The following RABL2A variants were observed in gnomAD, a reference collection of about 807,000 sequenced individuals.
The protein encoded by RABL2A is rab-like protein 2A.
In RABL2A, 17 loss-of-function variants were observed where a neutral mutation model predicts 30.7. The observed-to-expected ratio is 0.55, with a 90% CI of 0.38 to 0.83. RABL2A has a LOEUF of 0.83. RABL2A is among the 40% of genes least tolerant of loss of function. RABL2A has a pLI of 0.00. For synonymous variants in RABL2A, 64 were observed against 101.8 expected (o/e 0.63, Z 2.24); for missense variants, 155 against 272.6 (o/e 0.57, Z 3.04).
At chr2:113,631,457 A>T (rs1304197303) in intron 2 of RABL2A, among the ~76,000 whole-genome samples, 3 of 152,142 alleles carry the variant, frequency 2.0e-5, no homozygotes, top group Non-Finnish European at 1.5e-5. Flanking sequence ...CCAAGCTCTC[A>T]TTATCCTGAG....
rs762784349 is a variant in RABL2A, at chr2:113,630,633, C to CT, written c.107+1933dup. 5.4e-3 allele frequency among the ~76,000 whole-genome samples: 771 copies of CT among 141,646 alleles called. 1 individual carries two copies. Among genetic ancestry groups the CT allele is most frequent in the African/African-American group, 0.014 (540 of 38,544 alleles). The allele number at this position is 141,646 out of a possible 152,430, so 92.9% of individuals were successfully genotyped here. A position where few individuals can be genotyped will look rare whatever the true frequency, so the allele number is the denominator to read the frequency against. The stretch of plus-strand genomic sequence containing the variant: ...AGTCACCAGGCTTTCTTTAAGGTGC[C>CT]TTTTTTTTTTTTTCTCATGCAGCAT... On this transcript the variant is annotated intron_variant, in intron 2 of 8. Coordinates refer to ENST00000683472, the MANE Select transcript of RABL2A (RefSeq NM_001306158.2).
At chr2:113,640,056 G>T (rs2104817198) in intron 5 of RABL2A, 1 of 151,940 alleles carries the variant, frequency 6.6e-6, no homozygotes, top group South Asian at 2.1e-4. Context: ...TGAGGTAGGA[G>T]GATTCCTTGA....
intron 3 of RABL2A, chr2:113,633,734 C>T (rs1681350944): frequency 4.3e-6 from 1 of 231,806 alleles, no homozygotes; most frequent in South Asian, 6.4e-5. Context: ...AGCTTGTCAA[C>T]TGTATGGCTT....
chr2:113,628,273 C>T (rs1468086251), intron 1 of RABL2A: 2 of 302,870 alleles, frequency 6.6e-6, no homozygotes, highest in Non-Finnish European at 1.2e-5. Context: ...CAGAGCTAGA[C>T]ATAATGTTGC....
At chr2:113,632,764 C>T in intron 2 of RABL2A, 151 bp from the exon 3 acceptor site, 1 of 1,124,916 alleles carries the variant, frequency 8.9e-7, no homozygotes, top group Admixed American at 2.0e-5. Flanking sequence ...TACCCAATTT[C>T]CAGACTTGAC....
At chr2:113,633,864 C>T (rs1681412145) in intron 3 of RABL2A, 4 of 450,858 alleles carry the variant, frequency 8.9e-6, no homozygotes, top group Non-Finnish European at 1.6e-5. Flanking sequence ...TTTCCAACTG[C>T]ATGATGCCTT....
chr2:113,638,286 T>C (rs1574078266), intron 5 of RABL2A: 3 of 985,384 alleles, frequency 3.0e-6, no homozygotes, highest in Non-Finnish European at 3.6e-6. Flanking sequence ...TTGCTGACCC[T>C]CCCGCCACCA....
chr2:113,640,769 T>C (rs1684828384), intron 5 of RABL2A, 125 bp from the exon 6 acceptor site: 4 of 1,535,450 alleles, frequency 2.6e-6, no homozygotes, highest in Admixed American at 2.0e-5. Context: ...AGGCTGCAAT[T>C]CAGAGCGTTC....
chr2:113,637,869 G>C (rs1195156872), intron 5 of RABL2A: 32 of 1,242,902 alleles, frequency 2.6e-5, no homozygotes, highest in Admixed American at 8.7e-5. Context: ...TGAAGGCCTG[G>C]GGTGTCTCTC....
rs139259451 is a variant in RABL2A at position 113,632,989 on chromosome 2, C to T, written c.137+45C>T. 7,890 of 1,613,990 alleles carry T rather than the reference C, an allele frequency of 4.9e-3. 328 individuals are homozygous for T. The African/African-American group carries it at 0.09, about 18-fold the overall frequency. ...GTACTCCTTGTTCCTGTGGGTCTTC[C>T]CACGCTCATGTATCAGTGTCCCACT... On this transcript the variant is annotated intron_variant, in intron 3 of 8. Transcript: ENST00000683472.
intron 2 of RABL2A, among the ~76,000 whole-genome samples, chr2:113,632,240 C>T (rs1007539891): frequency 1.3e-5 from 2 of 152,166 alleles, no homozygotes; most frequent in Non-Finnish European, 2.9e-5. Flanking sequence ...GTGGCTAGAA[C>T]AGAGGGAGAG....
chr2:113,630,667 T>G (rs1010411331), intron 2 of RABL2A, among the ~76,000 whole-genome samples: 4 of 151,816 alleles, frequency 2.6e-5, no homozygotes, highest in African/African-American at 9.7e-5. Context: ...ATGTTCATGC[T>G]TCTTGATTCC....
Position 113,641,955 on chromosome 2 carries a change from G to A in RABL2A, c.592-76G>A. 1.5e-5 allele frequency: 23 copies of A among 1,551,206 alleles called. No homozygotes were observed. In the South Asian group the frequency reaches 2.6e-4, roughly 17 times the overall value. ...ACCCAGTAGAGTGACTCTTGCCTAA[G>A]TTTGCCCCACTAAATGTATCAGAGC... On this transcript the variant is annotated intron_variant, in intron 8 of 8. Transcript: ENST00000683472.
intron 2 of RABL2A, among the ~76,000 whole-genome samples, chr2:113,632,315 G>A (rs1680687325): frequency 6.6e-6 from 1 of 152,248 alleles, no homozygotes; most frequent in Admixed American, 6.5e-5. Context: ...GCAGAGAGGA[G>A]TGACCAAGTC....
At chr2:113,634,972 G>A (rs1469490497) in intron 4 of RABL2A, 79 bp from the exon 5 acceptor site, 3 of 1,567,572 alleles carry the variant, frequency 1.9e-6, no homozygotes, top group Non-Finnish European at 2.6e-6. Flanking sequence ...GCTGTGGTTT[G>A]TGCCGCATGT....
chr2:113,634,638 A>T (rs565319579), intron 4 of RABL2A: 2 of 405,628 alleles, frequency 4.9e-6, no homozygotes, highest in East Asian at 5.6e-5. Flanking sequence ...GCGACCTTCC[A>T]TCGGGTCATA....
chr2:113,637,433 T>G (rs1481849640), intron 5 of RABL2A: 1 of 1,097,540 alleles, frequency 9.1e-7, no homozygotes, highest in Non-Finnish European at 1.1e-6. Context: ...TGCAGGATGC[T>G]GGGAATGCCC....
rs1393039567 is a variant in RABL2A at position 113,635,402 on chromosome 2, T to G, written c.297+272T>G. ...AGGTGTAGCATCCAAGAGGCAAACA[T>G]GCCTGAAACAGGGCCACAGTCCCTC... On this transcript the variant is annotated intron_variant, in intron 5 of 8. Coordinates refer to ENST00000683472, the MANE Select transcript of RABL2A (RefSeq NM_001306158.2). 5.9e-6 allele frequency: 3 copies of G among 508,938 alleles called. No homozygotes were observed. The East Asian group carries it at 1.1e-4, about 19-fold the overall frequency. 31.5% of individuals were successfully genotyped at this position (508,938 alleles called of 1,614,324 possible).
At chr2:113,641,237 A>T (rs1303854866) in intron 6 of RABL2A, 116 bp from the exon 7 acceptor site, 28 of 1,539,926 alleles carry the variant, frequency 1.8e-5, no homozygotes, top group Admixed American at 5.3e-5. Context: ...TTTCTAGGAC[A>T]TGTTTCCCAA....
Sources: gnomAD v4.1 joint callset for allele counts (sites outside exome capture counted in the v4.1 genomes callset) on GRCh38, gnomAD v4.1.1 for gene constraint, MANE v1.5 for transcripts, NCBI Gene and HGNC (gene_info 2026-07-23, HGNC 2026-07-21) for gene names.